The following NCAM1 variants were observed in gnomAD, a reference collection of about 807,000 sequenced individuals.
NCAM1 encodes the protein neural cell adhesion molecule 1.
In NCAM1, 14 loss-of-function variants were observed where a neutral mutation model predicts 109.8. The observed-to-expected ratio is 0.13, with a 90% CI of 0.08 to 0.20. NCAM1 has a LOEUF of 0.20. Ranked by LOEUF, NCAM1 falls within the 10% of genes least tolerant of loss-of-function variation. NCAM1 has a pLI of 1.00. For missense variants in NCAM1, 774 were observed against 1,109.9 expected, an observed-to-expected ratio of 0.70 and a Z score of 4.30; for synonymous variants, 418 against 442.9, an observed-to-expected ratio of 0.94 and a Z score of 0.70.
At chr11:113,214,785 T>C (rs1179080133) in intron 8 of NCAM1, among the ~76,000 whole-genome samples, 1 of 152,162 alleles carries the variant, frequency 6.6e-6, no homozygotes, top group Non-Finnish European at 1.5e-5. Flanking sequence ...GCAATGGTGA[T>C]TGTCAATCCC....
intron 1 of NCAM1, chr11:113,133,223 G>A (rs939490165): frequency 7.9e-5 from 12 of 152,200 alleles, no homozygotes; most frequent in African/African-American, 2.2e-4. Flanking sequence ...CAGGAGAAGT[G>A]TCCTTATGAA....
At chr11:113,102,999 G>A (rs560775928) in intron 1 of NCAM1, among the ~76,000 whole-genome samples, 30 of 41,346 alleles carry the variant, frequency 7.3e-4, no homozygotes, top group Middle Eastern at 7.4e-3. Context: ...ATGTTTCTGC[G>A]TGTTTGTGAT....
chr11:113,265,761 T>A (rs997701734), intron 17 of NCAM1, among the ~76,000 whole-genome samples: 1 of 152,094 alleles, frequency 6.6e-6, no homozygotes, highest in Non-Finnish European at 1.5e-5. Context: ...AGTCTGACCA[T>A]CTTCTGGGAG....
chr11:113,246,224 TG>T, intron 14 of NCAM1, 143 bp from the exon 15 acceptor site: 6 of 570,436 alleles, frequency 1.1e-5, no homozygotes, highest in African/African-American at 3.7e-5. Context: ...CCCTGCCCAT[TG>T]TTTACATCAG....
chr11:113,148,406 T>G (rs1157543513), intron 1 of NCAM1, among the ~76,000 whole-genome samples: 1 of 151,262 alleles, frequency 6.6e-6, no homozygotes, highest in Non-Finnish European at 1.5e-5. Context: ...TTAAGTTAAC[T>G]AGATCAAACT....
intron 14 of NCAM1, chr11:113,243,460 C>T: frequency 4.6e-6 from 2 of 436,266 alleles, no homozygotes; most frequent in South Asian, 1.7e-5. Context: ...AATCCAGGCT[C>T]CCCTTGGGTT....
intron 1 of NCAM1, among the ~76,000 whole-genome samples, chr11:112,969,251 A>G (rs1366586479): frequency 6.6e-6 from 1 of 152,104 alleles, no homozygotes; most frequent in East Asian, 1.9e-4. Context: ...AGCCAGAGAT[A>G]AGGAGAAAAA....
At chr11:112,968,527 C>G (rs572469506) in intron 1 of NCAM1, among the ~76,000 whole-genome samples, 1 of 152,280 alleles carries the variant, frequency 6.6e-6, no homozygotes, top group Admixed American at 6.5e-5. Flanking sequence ...AATCTTCACA[C>G]TAATTATTTA....
intron 1 of NCAM1, among the ~76,000 whole-genome samples, chr11:113,175,878 G>C (rs1459997189): frequency 6.6e-6 from 1 of 152,160 alleles, no homozygotes; most frequent in African/African-American, 2.4e-5. Flanking sequence ...AAAATTAAAT[G>C]GAAGCAAGAA....
chr11:113,136,640 C>G (rs1555099515), intron 1 of NCAM1, among the ~76,000 whole-genome samples: 1 of 152,148 alleles, frequency 6.6e-6, no homozygotes, highest in Non-Finnish European at 1.5e-5. Context: ...TTTGTCTTCT[C>G]TCCGTCTCAG....
intron 1 of NCAM1, among the ~76,000 whole-genome samples, chr11:113,096,998 C>T (rs574957119): frequency 6.6e-6 from 1 of 151,942 alleles, no homozygotes; most frequent in Non-Finnish European, 1.5e-5. Context: ...ATTTGTTGAA[C>T]CCCCCCTGCC....
intron 1 of NCAM1, among the ~76,000 whole-genome samples, chr11:113,087,840 A>G (rs1555088545): frequency 2.6e-5 from 4 of 152,192 alleles, no homozygotes; most frequent in African/African-American, 9.7e-5. Flanking sequence ...CTCTACTTTC[A>G]TTTGACTTGA....
chr11:113,240,682 C>A, intron 14 of NCAM1: 1 of 1,048,332 alleles, frequency 9.5e-7, no homozygotes, highest in Non-Finnish European at 1.5e-6. Context: ...CTCACTTCAG[C>A]TCCTCATACT....
At chr11:113,141,436 C>T (rs1170575510) in intron 1 of NCAM1, among the ~76,000 whole-genome samples, 2 of 152,120 alleles carry the variant, frequency 1.3e-5, no homozygotes, top group Non-Finnish European at 2.9e-5. Flanking sequence ...TCGAGACCAT[C>T]CTGGCTAACA....
At chr11:113,121,854 CTA>C (rs1183403898) in intron 1 of NCAM1, among the ~76,000 whole-genome samples, 1 of 152,188 alleles carries the variant, frequency 6.6e-6, no homozygotes, top group Non-Finnish European at 1.5e-5. Flanking sequence ...CTACAAGCAA[CTA>C]TTTAGAAAAC....
At chr11:113,002,637 C>T (rs1477380270) in intron 1 of NCAM1, among the ~76,000 whole-genome samples, 2 of 152,106 alleles carry the variant, frequency 1.3e-5, no homozygotes, top group Non-Finnish European at 1.5e-5. Flanking sequence ...TTCCTCTGCA[C>T]CCCTCAGATA....
At chr11:113,250,823 T>C (rs1254839032) in intron 15 of NCAM1, among the ~76,000 whole-genome samples, 1 of 152,220 alleles carries the variant, frequency 6.6e-6, no homozygotes, top group Non-Finnish European at 1.5e-5. Context: ...CTTTTGAGGC[T>C]GAGTCTCGCT....
chr11:113,243,448 C>T, intron 14 of NCAM1: 1 of 402,372 alleles, frequency 2.5e-6, no homozygotes, highest in Non-Finnish European at 5.1e-6. Context: ...CAGAAAAAGC[C>T]TAATCCAGGC....
At chr11:112,997,499 A>G (rs1951626795) in intron 1 of NCAM1, among the ~76,000 whole-genome samples, 1 of 152,100 alleles carries the variant, frequency 6.6e-6, no homozygotes, top group Non-Finnish European at 1.5e-5. Context: ...AGTGTTCATT[A>G]TTTTCAATTT....
Sources: gnomAD v4.1 joint callset for allele counts (sites outside exome capture counted in the v4.1 genomes callset) on GRCh38, gnomAD v4.1.1 for gene constraint, MANE v1.5 for transcripts, NCBI Gene and HGNC (gene_info 2026-07-23, HGNC 2026-07-21) for gene names.